The following UBR7 variants were observed in gnomAD, a reference collection of about 807,000 sequenced individuals.
The protein encoded by UBR7 is ubiquitin protein ligase E3 component n-recognin 7, also known as putative E3 ubiquitin-protein ligase UBR7.
In UBR7, 22 loss-of-function variants were observed where a neutral mutation model predicts 57.0. The observed-to-expected ratio is 0.39, with a 90% CI of 0.28 to 0.55. The LOEUF is 0.55. Ranked by LOEUF, UBR7 falls within the 20% of genes least tolerant of loss-of-function variation. The probability of loss-of-function intolerance (pLI) is 0.69; values close to 1 mark genes in which losing one functional copy is unlikely to be tolerated. For missense variants in UBR7, 395 were observed against 513.2 expected (o/e 0.77, Z 2.23); for synonymous variants, 167 against 179.8 (o/e 0.93, Z 0.57).
At chr14:93,223,290 G>A (rs1435676149) in intron 10 of UBR7, among the ~76,000 whole-genome samples, 3 of 151,608 alleles carry the variant, frequency 2.0e-5, no homozygotes, top group East Asian at 1.9e-4. Context: ...CAGCTACTCC[G>A]AGGCTGAGGC....
At chr14:93,212,922 G>T (rs907599393) in intron 4 of UBR7, among the ~76,000 whole-genome samples, 1 of 152,170 alleles carries the variant, frequency 6.6e-6, no homozygotes, top group African/African-American at 2.4e-5. Context: ...TATACTCCAA[G>T]TATTTATGTA....
At chr14:93,209,495 C>T (rs541478709) in intron 1 of UBR7, among the ~76,000 whole-genome samples, 1 of 152,288 alleles carries the variant, frequency 6.6e-6, no homozygotes, top group East Asian at 1.9e-4. Flanking sequence ...AATCCCAGCA[C>T]TTTGGAAGGC....
Position 93,212,015 on chromosome 14 carries a change from T to C in UBR7, c.346-17T>C, listed in dbSNP as rs774274458. 8 of 1,573,030 alleles carry C rather than the reference T, an allele frequency of 5.1e-6. No individual in the cohort carries two copies. The highest frequency in any genetic ancestry group is 6.1e-6 in the Non-Finnish European group (7 of 1,147,528). On this transcript the variant is annotated splice_polypyrimidine_tract_variant and intron_variant, in intron 3 of 10. Transcript: ENST00000013070. ...AAATTAGACCATATTATTATTGAAA[T>C]CAATATTATATTTCAGGACAAAGCA...
chr14:93,217,383 CA>C (rs1447964491), intron 6 of UBR7, among the ~76,000 whole-genome samples: 2 of 152,176 alleles, frequency 1.3e-5, no homozygotes, highest in African/African-American at 2.4e-5. Flanking sequence ...CTCCCATCAG[CA>C]GATGGCTTCA....
chr14:93,227,799 G>C lies in UBR7; in HGVS notation c.*764G>C. On this transcript the variant is annotated 3_prime_UTR_variant, in exon 11 of 11. Coordinates refer to ENST00000013070, the MANE Select transcript of UBR7 (RefSeq NM_175748.4). ...ACTGTAGTGCTCACAGGGCTTCCTG[G>C]AGAACATTTGCCCGTATACTAGTCC... The C allele has an allele frequency of 1.4e-6, 1 of 700,804 alleles. No homozygotes were observed. Among genetic ancestry groups the C allele is most frequent in the Non-Finnish European group, 2.6e-6 (1 of 384,830 alleles). The allele number at this position is 700,804 out of a possible 1,614,324, so 43.4% of individuals were successfully genotyped here.
chr14:93,207,291 G>A lies in UBR7; in HGVS notation c.-1G>A, dbSNP rs1375510903. 1 of 1,554,030 alleles carries A rather than the reference G, an allele frequency of 6.4e-7. No individual in the cohort carries two copies. Among genetic ancestry groups the A allele is most frequent in the Non-Finnish European group, 8.7e-7 (1 of 1,148,708 alleles). On this transcript the variant is annotated 5_prime_UTR_variant, in exon 1 of 11. Transcript: ENST00000013070. Reference sequence around the variant, plus strand: ...AGCCGCTGTTCGGCTGACAGTTGAGGATGGCCGGAGCCGAGGGCGCCGCTG... The same window carrying A: ...AGCCGCTGTTCGGCTGACAGTTGAGAATGGCCGGAGCCGAGGGCGCCGCTG...
At chr14:93,224,977 C>A (rs1894817881) in intron 10 of UBR7, among the ~76,000 whole-genome samples, 1 of 152,146 alleles carries the variant, frequency 6.6e-6, no homozygotes. Flanking sequence ...AAAAGTTAGG[C>A]ATGTTCTTTT....
chr14:93,222,274 G>A, intron 9 of UBR7, 39 bp from the exon 10 acceptor site: 1 of 1,445,964 alleles, frequency 6.9e-7, no homozygotes, highest in Non-Finnish European at 9.7e-7. Flanking sequence ...AAAGCAAATG[G>A]TTTATCTAAA....
chr14:93,226,839 C>T, intron 10 of UBR7, 104 bp from the exon 11 acceptor site: 1 of 621,742 alleles, frequency 1.6e-6, no homozygotes, highest in Non-Finnish European at 2.8e-6. Context: ...TTATCATTAA[C>T]ATAATTCTTA....
intron 6 of UBR7, 96 bp from the exon 7 acceptor site, chr14:93,218,431 A>T: frequency 9.3e-7 from 1 of 1,072,168 alleles, no homozygotes; most frequent in Non-Finnish European, 1.4e-6. Context: ...AAATAATAAT[A>T]ATAGAATAAG....
intron 10 of UBR7, among the ~76,000 whole-genome samples, chr14:93,222,828 A>G (rs1894738085): frequency 6.6e-6 from 1 of 152,100 alleles, no homozygotes; most frequent in South Asian, 2.1e-4. Flanking sequence ...GGCTAAGGGG[A>G]ATGAATAAGA....
chr14:93,221,111 A>G (rs1380994611), intron 9 of UBR7, among the ~76,000 whole-genome samples: 16 of 137,846 alleles, frequency 1.2e-4, no homozygotes, highest in South Asian at 4.5e-4. Flanking sequence ...GCGCCCCCCC[A>G]ATTTTTTTTT....
At position 93,209,913 on chromosome 14, in the gene UBR7, T is replaced by C; in HGVS notation, c.240T>C (p.Tyr80=). ...CAGGAATTTGTTTAGCTTGCAGTTA[T>C]GAATGTCATGGAAGTCACAAACTAT... ...EPAGICLACS[Y]ECHGSHKLFE... Residue 80 remains tyrosine (Y), a synonymous_variant, in exon 2 of 11, where the codon TAT becomes TAC. Coordinates refer to ENST00000013070, the MANE Select transcript of UBR7 (RefSeq NM_175748.4). 6.2e-7 allele frequency: 1 copy of C among 1,614,048 alleles called. No homozygotes were observed. Among genetic ancestry groups the C allele is most frequent in the Non-Finnish European group, 8.5e-7 (1 of 1,179,986 alleles).
At chr14:93,219,418 TAAG>T in intron 8 of UBR7, 57 bp downstream of exon 8, 1 of 1,604,290 alleles carries the variant, frequency 6.2e-7, no homozygotes, top group Non-Finnish European at 8.5e-7. Flanking sequence ...TGCCCCAAAA[TAAG>T]AACACCTGGG....
At chr14:93,209,035 ACTC>A (rs1410705655) in intron 1 of UBR7, among the ~76,000 whole-genome samples, 16 of 151,638 alleles carry the variant, frequency 1.1e-4, no homozygotes, top group African/African-American at 3.6e-4. Context: ...TTGGTCTTGA[ACTC>A]CTGACCTCAA....
chr14:93,224,063 G>A, intron 10 of UBR7: 1 of 1,019,426 alleles, frequency 9.8e-7, no homozygotes, highest in Non-Finnish European at 1.5e-6. Context: ...GTGGTAGAGG[G>A]GCGGTGTGTG....
chr14:93,221,571 A>C (rs1894708233), intron 9 of UBR7, among the ~76,000 whole-genome samples: 1 of 152,070 alleles, frequency 6.6e-6, no homozygotes, highest in Non-Finnish European at 1.5e-5. Context: ...TTTATTTATA[A>C]TTATTAATTT....
intron 10 of UBR7, among the ~76,000 whole-genome samples, chr14:93,223,413 AAG>A (rs1555385643): frequency 6.6e-6 from 1 of 151,468 alleles, no homozygotes; most frequent in Non-Finnish European, 1.5e-5. Context: ...AAAAAAAAAA[AAG>A]AACTGGGCAT....
intron 6 of UBR7, among the ~76,000 whole-genome samples, chr14:93,215,750 G>T (rs1432219825): frequency 6.6e-6 from 1 of 150,766 alleles, no homozygotes; most frequent in Non-Finnish European, 1.5e-5. Flanking sequence ...GCATAGATTT[G>T]TTGGGATACT....
Sources: gnomAD v4.1 joint callset for allele counts (sites outside exome capture counted in the v4.1 genomes callset) on GRCh38, gnomAD v4.1.1 for gene constraint, MANE v1.5 for transcripts, NCBI Gene and HGNC (gene_info 2026-07-23, HGNC 2026-07-21) for gene names.